The following ICA1L variants were observed in gnomAD, a reference collection of about 807,000 sequenced individuals.
ICA1L encodes islet cell autoantigen 1-like protein.
A neutral mutation model predicts 61.3 loss-of-function variants in ICA1L; 50 were observed. The ratio of observed to expected loss-of-function variants is 0.82; its 90% CI spans 0.65 to 1.03. The LOEUF is 1.03. Ranked by LOEUF, ICA1L falls within the 50% of genes least tolerant of loss-of-function variation. The pLI is 0.00. For synonymous variants in ICA1L, 161 were observed against 191.3 expected, an observed-to-expected ratio of 0.84 and a Z score of 1.31; for missense variants, 508 against 556.7, an observed-to-expected ratio of 0.91 and a Z score of 0.88.
chr2:202,801,995 C>T (rs1159934066), intron 9 of ICA1L, among the ~76,000 whole-genome samples: 1 of 152,152 alleles, frequency 6.6e-6, no homozygotes, highest in Non-Finnish European at 1.5e-5. Flanking sequence ...CAAGCTACCA[C>T]AAGAATGCTG....
chr2:202,788,886 C>A lies in ICA1L; in HGVS notation c.1187G>T (p.Arg396Leu), dbSNP rs138356872. The A allele has an allele frequency of 5.6e-5, 91 of 1,613,942 alleles. No homozygotes were observed. Among genetic ancestry groups the A allele is most frequent in the Non-Finnish European group, 6.9e-5 (81 of 1,180,022 alleles). Residue 396 changes from arginine to leucine, a missense_variant, in exon 11 of 13, where the codon CGA becomes CTA. By Grantham distance (102) the Arg-to-Leu change is moderately radical. Coordinates refer to ENST00000358299, the MANE Select transcript of ICA1L (RefSeq NM_001288622.3). ...GTCAAAGAGTTGTGAAGGAAGGAAT[C>A]GAGAAGAATGAGCGAGGGGCTCAGA... is the stretch of plus-strand genomic sequence containing the variant. Reference protein sequence around the residue: ...MGSEPLAHSSRFLPSQLFDLG... With the variant: ...MGSEPLAHSSLFLPSQLFDLG...
Position 202,774,406 on chromosome 2 carries a change from C to T in ICA1L, c.*5127G>A, listed in dbSNP as rs1692153567. On this transcript the variant is annotated 3_prime_UTR_variant, in exon 13 of 13. Transcript: ENST00000358299. The stretch of plus-strand genomic sequence containing the variant: ...CCAGGCCTCACTGCGCCTCCAACAG[C>T]CAGGGTCGAGCCCCTGGCTCCCCGT... The T allele has an allele frequency of 1.3e-5, 13 of 1,027,952 alleles. No individual in the cohort carries two copies. The highest frequency in any genetic ancestry group is 2.2e-5 in the South Asian group (1 of 46,488). 63.7% of individuals were successfully genotyped at this position (1,027,952 alleles called of 1,614,324 possible).
rs1475883583 is a variant in ICA1L, at chr2:202,841,682, C to A, written c.-7-12666G>T. ...GAAGCTCAAGGAGCTGATGCAGGCA[C>A]CGGGCCCACGCGCATAGGAGCAGTT... On this transcript the variant is annotated intron_variant, in intron 1 of 12. Transcript: ENST00000358299. The A allele has an allele frequency of 2.0e-5, 11 of 548,028 alleles. No homozygotes were observed. The Admixed American group carries it at 2.4e-4, about 12-fold the overall frequency. 33.9% of individuals were successfully genotyped at this position (548,028 alleles called of 1,614,324 possible).
At chr2:202,801,218 T>C (rs1693078559) in intron 9 of ICA1L, among the ~76,000 whole-genome samples, 1 of 152,158 alleles carries the variant, frequency 6.6e-6, no homozygotes. Flanking sequence ...TTTAAGGAAA[T>C]GCTGCTGGAT....
At chr2:202,796,281 G>A (rs568356585) in intron 10 of ICA1L, among the ~76,000 whole-genome samples, 17 of 151,968 alleles carry the variant, frequency 1.1e-4, no homozygotes, top group African/African-American at 4.1e-4. Flanking sequence ...TTAACCAATT[G>A]GACTGTATTT....
At chr2:202,855,770 C>T (rs887997198) in intron 1 of ICA1L, among the ~76,000 whole-genome samples, 4 of 151,974 alleles carry the variant, frequency 2.6e-5, no homozygotes, top group African/African-American at 9.7e-5. Flanking sequence ...GAAACTACTC[C>T]AAACAATAAA....
rs1693677199 is a variant in ICA1L at position 202,820,724 on chromosome 2, G to A, written c.359+634C>T. Among the ~76,000 whole-genome samples, 2 of 152,116 alleles carry A rather than the reference G, an allele frequency of 1.3e-5. 1 individual carries two copies. Among genetic ancestry groups the A allele is most frequent in the South Asian group, 4.1e-4 (2 of 4,822 alleles). The stretch of plus-strand genomic sequence containing the variant: ...TGACCATTGGAGGGCCCTGTACTTA[G>A]TACCTCCACGTCACTTCCTTCAAGA... On this transcript the variant is annotated intron_variant, in intron 4 of 12. Transcript: ENST00000358299.
At chr2:202,853,378 A>G (rs1226183589) in intron 1 of ICA1L, among the ~76,000 whole-genome samples, 1 of 152,022 alleles carries the variant, frequency 6.6e-6, no homozygotes, top group African/African-American at 2.4e-5. Context: ...AAAAGACTTA[A>G]ATGTTAGACC....
intron 1 of ICA1L, among the ~76,000 whole-genome samples, chr2:202,853,138 C>T (rs1319975493): frequency 2.0e-5 from 3 of 151,992 alleles, no homozygotes; most frequent in Non-Finnish European, 4.4e-5. Flanking sequence ...GCAGGTGGAT[C>T]ACAAGGTCAG....
chr2:202,815,933 G>C lies in ICA1L; in HGVS notation c.761C>G (p.Pro254Arg). 1 of 1,593,186 alleles carries C rather than the reference G, an allele frequency of 6.3e-7. No homozygotes were observed. Among genetic ancestry groups the C allele is most frequent in the South Asian group, 1.1e-5 (1 of 87,684 alleles). Residue 254 changes from proline to arginine, a missense_variant, in exon 7 of 13, where the codon CCG (proline) becomes CGG (arginine). By Grantham distance (103) the Pro-to-Arg change is moderately radical (BLOSUM62 -2). Coordinates refer to ENST00000358299, the MANE Select transcript of ICA1L (RefSeq NM_001288622.3). Reference sequence around the variant, plus strand: ...TACCTTGAGAGCTACAAAATCATACGGATGAAAGCCAATACAGGCTTCATG... The same window carrying C: ...TACCTTGAGAGCTACAAAATCATACCGATGAAAGCCAATACAGGCTTCATG... ...QIHEACIGFH[P>R]YDFVALKQLQ...
chr2:202,803,400 CA>C (rs71030990), intron 9 of ICA1L, among the ~76,000 whole-genome samples: 666 of 60,664 alleles, frequency 0.011, 3 homozygotes, highest in African/African-American at 0.023. Context: ...GACTCGATCT[CA>C]AAAAAAAAAA....
intron 9 of ICA1L, among the ~76,000 whole-genome samples, chr2:202,797,586 A>G (rs1211533502): frequency 2.6e-5 from 4 of 152,218 alleles, no homozygotes; most frequent in African/African-American, 9.6e-5. Context: ...CAGTGGCACA[A>G]TCTCAGCTCA....
chr2:202,790,570 G>T (rs1692715622), intron 10 of ICA1L, among the ~76,000 whole-genome samples: 1 of 152,166 alleles, frequency 6.6e-6, no homozygotes, highest in African/African-American at 2.4e-5. Context: ...CCCAGGAGGA[G>T]TAAGATGCCA....
Position 202,773,280 on chromosome 2 carries a change from A to G in ICA1L, c.*6253T>C, listed in dbSNP as rs2105806319. 6.6e-6 allele frequency: 1 copy of G among 152,534 alleles called. No individual in the cohort carries two copies. The highest frequency in any genetic ancestry group is 2.1e-4 in the South Asian group (1 of 4,844). The allele number at this position is 152,534 out of a possible 1,614,324, so 9.4% of individuals were successfully genotyped here. On this transcript the variant is annotated 3_prime_UTR_variant, in exon 13 of 13. Transcript: ENST00000358299. ...TTTCTATTTGATTATGTGGTTTTAT[A>G]TCACATTCGTTCAAATGCATTTCTT... is the stretch of plus-strand genomic sequence containing the variant.
chr2:202,796,796 A>T, intron 10 of ICA1L, 94 bp downstream of exon 10: 1 of 691,364 alleles, frequency 1.4e-6, no homozygotes, highest in Non-Finnish European at 2.4e-6. Context: ...TTATGTAGAG[A>T]CCCAGACAGT....
chr2:202,841,159 C>A (rs1350467011), intron 1 of ICA1L: 2 of 656,930 alleles, frequency 3.0e-6, no homozygotes, highest in Non-Finnish European at 5.7e-6. Context: ...TCTAGCTCTA[C>A]CTTGTTCATA....
chr2:202,788,912 C>A lies in ICA1L; in HGVS notation c.1161G>T (p.Gly387=), dbSNP rs747794896. 1 of 1,613,842 alleles carries A rather than the reference C, an allele frequency of 6.2e-7. No homozygotes were observed. The highest frequency in any genetic ancestry group is 1.1e-5 in the South Asian group (1 of 91,078). Reference sequence around the variant, plus strand: ...GAGAAGAATGAGCGAGGGGCTCAGACCCCATGGAAGGCTCCTGGGATGTGA... The same window carrying A: ...GAGAAGAATGAGCGAGGGGCTCAGAACCCATGGAAGGCTCCTGGGATGTGA... ...ASLTSQEPSM[G]SEPLAHSSRF... Residue 387 remains glycine, a synonymous_variant, in exon 11 of 13, where the codon GGG becomes GGT. Coordinates refer to ENST00000358299, the MANE Select transcript of ICA1L (RefSeq NM_001288622.3).
rs796119503 is a variant in ICA1L, at chr2:202,843,971, GT to G, written c.-7-14956del. On this transcript the variant is annotated intron_variant, in intron 1 of 12. Transcript: ENST00000358299. ...CTACCTTATCAGAAGCAATGAATGT[GT>G]TTTTTTTCCTTAGCTTTTCCCAGTT... 9.9e-5 allele frequency among the ~76,000 whole-genome samples: 15 copies of G among 152,020 alleles called. No individual in the cohort carries two copies. In the East Asian group the frequency reaches 1.7e-3, roughly 18 times the overall value.
In ICA1L at chr2:202,774,220, G is replaced by A. The variant is rs748189466; in HGVS notation, c.*5313C>T. On this transcript the variant is annotated 3_prime_UTR_variant, in exon 13 of 13. Coordinates refer to ENST00000358299, the MANE Select transcript of ICA1L (RefSeq NM_001288622.3). The stretch of plus-strand genomic sequence containing the variant: ...ACTCCAGCAGCGCCGGATCGAAGGC[G>A]CGGGGCGGCTCCTGAGTCTTCTCGC... The A allele has an allele frequency of 2.6e-6, 4 of 1,550,294 alleles. No homozygotes were observed. The highest frequency in any genetic ancestry group is 1.7e-4 in the Middle Eastern group (1 of 5,970).
Sources: allele counts gnomAD v4.1 joint callset (sites outside exome capture counted in the v4.1 genomes callset), GRCh38; gene constraint gnomAD v4.1.1; transcripts MANE v1.5; gene names NCBI Gene and HGNC (gene_info 2026-07-23, HGNC 2026-07-21).